Variants in CCL8 observed in about 807,000 individuals in gnomAD.
CCL8 encodes the protein C-C motif chemokine 8.
Under a neutral mutation model 6.6 loss-of-function variants are expected in CCL8, and 3 were observed. The ratio of observed to expected loss-of-function variants is 0.45; its 90% CI spans 0.21 to 1.17. CCL8 has a LOEUF of 1.17. Ranked by LOEUF, CCL8 falls within the 50% of genes most tolerant of loss-of-function variation. The pLI, the probability that CCL8 is intolerant of heterozygous loss-of-function variation, is 0.24. For synonymous variants in CCL8, 49 were observed against 41.8 expected (o/e 1.17, Z -0.67); for missense variants, 127 against 118.1 (o/e 1.08, Z -0.35).
chr17:34,319,519 G>T lies in CCL8; in HGVS notation c.18G>T (p.Ala6=), dbSNP rs143666282. Residue 6 remains alanine, a synonymous_variant, in exon 1 of 3, where the codon GCG becomes GCT. Transcript: ENST00000394620. ...CCTCCAAGATGAAGGTTTCTGCAGC[G>T]CTTCTGTGCCTGCTGCTCATGGCAG... MKVSA[A]LLCLLLMAAT... 2 of 1,613,832 alleles carry T rather than the reference G, an allele frequency of 1.2e-6. No individual in the cohort carries two copies. The highest frequency in any genetic ancestry group is 2.2e-5 in the East Asian group (1 of 44,874).
intron 2 of CCL8, 35 bp from the exon 3 acceptor site, chr17:34,320,766 AG>A: frequency 4.5e-6 from 6 of 1,328,602 alleles, no homozygotes; most frequent in Non-Finnish European, 6.4e-6. Flanking sequence ...GGATCTTCAA[AG>A]TCTTCCATCT....
rs201631782 is a variant in CCL8 at position 34,319,490 on chromosome 17, T to C, written c.-12T>C. The stretch of plus-strand genomic sequence containing the variant: ...ACCTCTCATGCTGAAGCTCACACCC[T>C]TGCCCTCCAAGATGAAGGTTTCTGC... On this transcript the variant is annotated 5_prime_UTR_variant, in exon 1 of 3. Coordinates refer to ENST00000394620, the MANE Select transcript of CCL8 (RefSeq NM_005623.3). The C allele has an allele frequency of 1.8e-4, 294 of 1,613,374 alleles. 3 individuals are homozygous for C. In the South Asian group the frequency reaches 3.1e-3, roughly 17 times the overall value.
Position 34,321,182 on chromosome 17 carries a change from C to T in CCL8, c.*275C>T, listed in dbSNP as rs116333519. ...TTTCCTGTGAGCTCAACTAAGTTCA[C>T]GGCAAAATGTCATTGTTCTCCCTCC... On this transcript the variant is annotated 3_prime_UTR_variant, in exon 3 of 3. Coordinates refer to ENST00000394620, the MANE Select transcript of CCL8 (RefSeq NM_005623.3). 9.0e-3 allele frequency: 2,926 copies of T among 326,788 alleles called. 41 individuals are homozygous for T. Among genetic ancestry groups the T allele is most frequent in the Middle Eastern group, 0.043 (48 of 1,122 alleles). The allele number at this position is 326,788 out of a possible 1,614,324, so 20.2% of individuals were successfully genotyped here.
Position 34,320,791 on chromosome 17 carries a change from C to T in CCL8, c.195-11C>T. ...AGTCTTCCATCTAATTGTGCCCTCT[C>T]TCCCCCACAGCTTCAAGACCAAACG... On this transcript the variant is annotated splice_polypyrimidine_tract_variant and intron_variant, in intron 2 of 2. Coordinates refer to ENST00000394620, the MANE Select transcript of CCL8 (RefSeq NM_005623.3). The T allele has an allele frequency of 6.4e-7, 1 of 1,557,452 alleles. No individual in the cohort carries two copies. Among genetic ancestry groups the T allele is most frequent in the Non-Finnish European group, 8.8e-7 (1 of 1,137,436 alleles).
intron 1 of CCL8, 30 bp from the exon 2 acceptor site, chr17:34,320,239 A>G: frequency 2.2e-6 from 3 of 1,385,164 alleles, no homozygotes; most frequent in Non-Finnish European, 3.1e-6. Context: ...TGGGTCCTAA[A>G]TGTCTCATTC....
At chr17:34,320,758 A>T (rs1245855352) in intron 2 of CCL8, 44 bp from the exon 3 acceptor site, 5 of 1,251,930 alleles carry the variant, frequency 4.0e-6, no homozygotes, top group Admixed American at 2.0e-5. Context: ...CCTGTGCAGG[A>T]TCTTCAAAGT....
intron 1 of CCL8, 63 bp downstream of exon 1, chr17:34,319,640 A>G (rs774153890): frequency 9.5e-6 from 12 of 1,265,870 alleles, no homozygotes; most frequent in Admixed American, 3.6e-5. Flanking sequence ...ATTATGTCAC[A>G]GCTCATTAGG....
chr17:34,321,013 G>C lies in CCL8; in HGVS notation c.*106G>C. On this transcript the variant is annotated 3_prime_UTR_variant, in exon 3 of 3. Transcript: ENST00000394620. ...ATTATTTTATTATAACATCCACAAA[G>C]AGATTATTTTTAAATAATTTAAAGC... 3.1e-6 allele frequency: 2 copies of C among 637,372 alleles called. No homozygotes were observed. The highest frequency in any genetic ancestry group is 5.5e-6 in the Non-Finnish European group (2 of 366,598). The allele number at this position is 637,372 out of a possible 1,614,324, so 39.5% of individuals were successfully genotyped here.
In CCL8 at chr17:34,319,436, G is replaced by A. The variant is rs754322738; in HGVS notation, c.-66G>A. The A allele has an allele frequency of 1.4e-6, 2 of 1,398,604 alleles. No individual in the cohort carries two copies. Among genetic ancestry groups the A allele is most frequent in the African/African-American group, 2.8e-5 (2 of 70,460 alleles). The allele number at this position is 1,398,604 out of a possible 1,614,324, so 86.6% of individuals were successfully genotyped here. A position where few individuals can be genotyped will look rare whatever the true frequency, so the allele number is the denominator to read the frequency against. On this transcript the variant is annotated 5_prime_UTR_variant, in exon 1 of 3. Coordinates refer to ENST00000394620, the MANE Select transcript of CCL8 (RefSeq NM_005623.3). ...AGGCAGGCAGAGCCACCGAGGAGCAGAGAGGTTGAGAACAACCCAGAAACC... is the reference window on the plus strand; with the variant it reads ...AGGCAGGCAGAGCCACCGAGGAGCAAAGAGGTTGAGAACAACCCAGAAACC...
rs1036947979 is a variant in CCL8, at chr17:34,321,038, CATA to C, written c.*135_*137del. 4 of 588,078 alleles carry C rather than the reference CATA, an allele frequency of 6.8e-6. No individual in the cohort carries two copies. Among genetic ancestry groups the C allele is most frequent in the African/African-American group, 5.9e-5 (3 of 50,498 alleles). The allele number at this position is 588,078 out of a possible 1,614,324, so 36.4% of individuals were successfully genotyped here. On this transcript the variant is annotated 3_prime_UTR_variant, in exon 3 of 3. Coordinates refer to ENST00000394620, the MANE Select transcript of CCL8 (RefSeq NM_005623.3). ...GAGATTATTTTTAAATAATTTAAAG[CATA>C]ATATTTCTTAAAAAGTATTTAATTA...
intron 1 of CCL8, 23 bp downstream of exon 1, chr17:34,319,600 G>A (rs1263829344): frequency 6.4e-7 from 1 of 1,573,812 alleles, no homozygotes; most frequent in Middle Eastern, 1.7e-4. Context: ...CCTTTTTAAG[G>A]GGAGACCAAA....
rs200837160 is a variant in CCL8, at chr17:34,320,911, T to C, written c.*4T>C. The C allele has an allele frequency of 3.2e-6, 5 of 1,583,268 alleles. No homozygotes were observed. Among genetic ancestry groups the C allele is most frequent in the Non-Finnish European group, 4.3e-6 (5 of 1,156,792 alleles). ...ATTTCAAAATCTGAAGCCATGAGCC[T>C]TCATACATGGACTGAGAGTCAGAGC... On this transcript the variant is annotated 3_prime_UTR_variant, in exon 3 of 3. Transcript: ENST00000394620.
chr17:34,320,743 A>G (rs1909495765), intron 2 of CCL8, 59 bp from the exon 3 acceptor site: 1 of 1,108,424 alleles, frequency 9.0e-7, no homozygotes, highest in Admixed American at 2.2e-5. Flanking sequence ...CCAATGGCCC[A>G]CAGTCCTGTG....
chr17:34,319,938 G>T (rs778640592), intron 1 of CCL8, among the ~76,000 whole-genome samples: 2 of 152,144 alleles, frequency 1.3e-5, no homozygotes, highest in African/African-American at 2.4e-5. Flanking sequence ...GAATCTCAGC[G>T]TATGGCATAG....
chr17:34,320,382 G>T lies in CCL8; in HGVS notation c.190G>T (p.Val64Leu). 1 of 1,589,948 alleles carries T rather than the reference G, an allele frequency of 6.3e-7. No homozygotes were observed. Among genetic ancestry groups the T allele is most frequent in the Non-Finnish European group, 8.6e-7 (1 of 1,157,946 alleles). The stretch of plus-strand genomic sequence containing the variant: ...CAACATCCAATGTCCCAAGGAAGCT[G>T]TGATGTGAGTGGACAGTGCCTGGCA... ...ITNIQCPKEA[V>L]IFKTKRGKEV... The change falls in exon 2 of 3, where the codon GTG (valine) becomes TTG (leucine). Residue 64 changes from valine (V) to leucine (L), a missense_variant. Val to Leu is a conservative substitution (Grantham distance 32). Coordinates refer to ENST00000394620, the MANE Select transcript of CCL8 (RefSeq NM_005623.3).
At chr17:34,320,473 G>T (rs1346335879) in intron 2 of CCL8, 87 bp downstream of exon 2, 1 of 867,064 alleles carries the variant, frequency 1.2e-6, no homozygotes, top group Non-Finnish European at 2.0e-6. Flanking sequence ...TGAGTCGGAT[G>T]CATATAACTT....
In CCL8 at chr17:34,319,573, G is replaced by A; in HGVS notation, c.72G>A (p.Gln24=). The change falls in exon 1 of 3, where the codon CAG becomes CAA. Residue 24 remains glutamine, a synonymous_variant. Coordinates refer to ENST00000394620, the MANE Select transcript of CCL8 (RefSeq NM_005623.3). ...CTTTCAGCCCTCAGGGACTTGCTCA[G>A]CCAGGTAAGACCTCTCCCTTTTTAA... ...AATFSPQGLA[Q]PDSVSIPITC... 6.2e-7 allele frequency: 1 copy of A among 1,613,048 alleles called. No individual in the cohort carries two copies. Among genetic ancestry groups the A allele is most frequent in the Non-Finnish European group, 8.5e-7 (1 of 1,179,156 alleles).
Position 34,319,585 on chromosome 17 carries a change from C to T in CCL8, c.76+8C>T, listed in dbSNP as rs574575546. ...AGGGACTTGCTCAGCCAGGTAAGAC[C>T]TCTCCCTTTTTAAGGGGAGACCAAA... On this transcript the variant is annotated splice_region_variant and intron_variant, in intron 1 of 2. Coordinates refer to ENST00000394620, the MANE Select transcript of CCL8 (RefSeq NM_005623.3). The T allele has an allele frequency of 8.1e-6, 13 of 1,608,586 alleles. No individual in the cohort carries two copies. In the South Asian group the frequency reaches 1.2e-4, roughly 15 times the overall value.
At position 34,320,874 on chromosome 17, in the gene CCL8, T is replaced by G; in HGVS notation, c.267T>G (p.His89Gln). 6.2e-7 allele frequency: 1 copy of G among 1,610,584 alleles called. No homozygotes were observed. Among genetic ancestry groups the G allele is most frequent in the Non-Finnish European group, 8.5e-7 (1 of 1,178,414 alleles). Residue 89 changes from histidine to glutamine, a missense_variant, in exon 3 of 3, where the codon CAT becomes CAG. His to Gln is a conservative substitution (Grantham distance 24). Coordinates refer to ENST00000394620, the MANE Select transcript of CCL8 (RefSeq NM_005623.3). ...KERWVRDSMK[H>Q]LDQIFQNLKP ...GATGGGTCAGGGATTCCATGAAGCA[T>G]CTGGACCAAATATTTCAAAATCTGA...
Sources: gnomAD v4.1 joint callset for allele counts (sites outside exome capture counted in the v4.1 genomes callset) on GRCh38, gnomAD v4.1.1 for gene constraint, MANE v1.5 for transcripts, NCBI Gene and HGNC (gene_info 2026-07-23, HGNC 2026-07-21) for gene names.